Variants in FRY observed in about 807,000 individuals in gnomAD.
FRY encodes the protein FRY microtubule binding protein, also known as protein furry homolog.
FRY carries 128 observed loss-of-function variants against 348.4 expected under a neutral mutation model. That is an observed-to-expected ratio of 0.37 (90% CI 0.32 to 0.43). The LOEUF is 0.43. Among genes scored for constraint, FRY ranks in the 20% least tolerant of loss-of-function variants. The pLI, the probability that FRY is intolerant of heterozygous loss-of-function variation, is 1.00. For missense variants in FRY, 2,736 were observed against 3,695.2 expected, an observed-to-expected ratio of 0.74 and a Z score of 6.73; for synonymous variants, 1,370 against 1,374.7, an observed-to-expected ratio of 1.00 and a Z score of 0.08.
chr13:32,272,956 G>A (rs1380568515), intron 55 of FRY, among the ~76,000 whole-genome samples: 1 of 151,612 alleles, frequency 6.6e-6, no homozygotes, highest in African/African-American at 2.4e-5. Context: ...ATGTTGGCCA[G>A]GCAGGTTTTG....
rs149665084 is a variant in FRY, at chr13:32,293,172, G to C, written c.8581-1196G>C. 1.8e-4 allele frequency among the ~76,000 whole-genome samples: 28 copies of C among 152,182 alleles called. No homozygotes were observed. In the East Asian group the frequency reaches 4.6e-3, roughly 25 times the overall value. Reference sequence around the variant, plus strand: ...GTATACCTGGTGTGTGTATTCATATGGGTAGGTACACACACAGTGTTTAAA... The same window carrying C: ...GTATACCTGGTGTGTGTATTCATATCGGTAGGTACACACACAGTGTTTAAA... On this transcript the variant is annotated intron_variant, in intron 59 of 60. Transcript: ENST00000542859.
At chr13:32,215,516 A>G (rs1884939469) in intron 35 of FRY, among the ~76,000 whole-genome samples, 1 of 152,244 alleles carries the variant, frequency 6.6e-6, no homozygotes, top group South Asian at 2.1e-4. Flanking sequence ...ATCAACATAT[A>G]TTTATTAAAA....
At chr13:32,247,275 T>C (rs1176616173) in intron 47 of FRY, 48 bp from the exon 48 acceptor site, 1 of 1,503,512 alleles carries the variant, frequency 6.7e-7, no homozygotes, top group African/African-American at 1.4e-5. Flanking sequence ...ACATTAGCTT[T>C]AAAAAAATTA....
chr13:32,059,919 C>G (rs1171475200), intron 1 of FRY, among the ~76,000 whole-genome samples: 1 of 152,184 alleles, frequency 6.6e-6, no homozygotes, highest in Non-Finnish European at 1.5e-5. Context: ...GTGTAAAATG[C>G]AGGAGTAGCA....
chr13:32,133,768 CTTTTTTTT>C (rs34413710), intron 8 of FRY, among the ~76,000 whole-genome samples: 7 of 89,286 alleles, frequency 7.8e-5, no homozygotes, highest in African/African-American at 3.0e-4. Flanking sequence ...TTCTTTCTTT[CTTTTTTTT>C]TTTTTTTTTT....
Position 32,294,449 on chromosome 13 carries a change from T to G in FRY, c.8662T>G (p.Tyr2888Asp), listed in dbSNP as rs771849736. The G allele has an allele frequency of 3.7e-5, 60 of 1,613,968 alleles. No individual in the cohort carries two copies. Among genetic ancestry groups the G allele is most frequent in the Non-Finnish European group, 4.8e-5 (57 of 1,179,910 alleles). The change falls in exon 60 of 61, where the codon TAT becomes GAT. Residue 2888 changes from tyrosine (Y) to aspartate (D), a missense_variant. Physicochemically the swap from Tyr to Asp is radical, Grantham distance 160. Around this residue, in one of 9 missense-constraint regions of FRY, gnomAD observed 157 missense variants for 215.2 expected, o/e 0.73. Transcript: ENST00000542859. ...TGCAGTCATTGCAGCTGACCCTCTCTATTCAGACGGCGCGTGGTCCGAGCC... is the reference window on the plus strand; with the variant it reads ...TGCAGTCATTGCAGCTGACCCTCTCGATTCAGACGGCGCGTGGTCCGAGCC... ...ASAVIAADPL[Y>D]SDGAWSEPTF... is the part of the protein sequence containing the mutation.
intron 2 of FRY, among the ~76,000 whole-genome samples, chr13:32,081,211 T>C (rs923959307): frequency 1.3e-5 from 2 of 152,226 alleles, no homozygotes; most frequent in African/African-American, 2.4e-5. Flanking sequence ...TAAGTTCTTG[T>C]CATAAGGAAA....
intron 1 of FRY, among the ~76,000 whole-genome samples, chr13:32,046,970 C>A (rs902387088): frequency 1.3e-5 from 2 of 152,084 alleles, no homozygotes; most frequent in East Asian, 3.9e-4. Context: ...TGCTATGTGA[C>A]CTTGAGCAAG....
intron 58 of FRY, among the ~76,000 whole-genome samples, chr13:32,279,282 G>C (rs900265397): frequency 6.6e-6 from 1 of 152,214 alleles, no homozygotes; most frequent in African/African-American, 2.4e-5. Flanking sequence ...CATGGAAGTA[G>C]CATCTTGGCA....
At chr13:32,273,285 A>G (rs1406232616) in intron 55 of FRY, among the ~76,000 whole-genome samples, 10 of 144,178 alleles carry the variant, frequency 6.9e-5, no homozygotes, top group African/African-American at 1.8e-4. Flanking sequence ...GCAGTGGCGC[A>G]ATCTCGGCTC....
intron 57 of FRY, 126 bp from the exon 58 acceptor site, chr13:32,278,339 C>T (rs1888640118): frequency 2.9e-6 from 2 of 695,198 alleles, no homozygotes; most frequent in Non-Finnish European, 5.4e-6. Flanking sequence ...TTCAAAAAGT[C>T]ATTACAGCAC....
chr13:32,107,644 C>G (rs1314902155), intron 3 of FRY, among the ~76,000 whole-genome samples: 1 of 152,148 alleles, frequency 6.6e-6, no homozygotes, highest in African/African-American at 2.4e-5. Flanking sequence ...CCTAGAGGCC[C>G]CACCACTGGA....
Position 32,295,207 on chromosome 13 carries a change from T to A in FRY, c.8789T>A (p.Leu2930Gln). The part of the protein sequence containing the change: ...ALRQIRECRS[L>Q]WPNDIFGSSS... ...GCTGTTCTTTTTGACTGCAGAAGTC[T>A]GTGGCCCAATGACATCTTTGGAAGC... is the stretch of plus-strand genomic sequence containing the variant. The change falls in exon 61 of 61, where the codon CTG becomes CAG. Residue 2930 changes from leucine to glutamine, a missense_variant. Transcript: ENST00000542859. 1 of 1,614,026 alleles carries A rather than the reference T, an allele frequency of 6.2e-7. No homozygotes were observed. Among genetic ancestry groups the A allele is most frequent in the African/African-American group, 1.3e-5 (1 of 75,054 alleles).
chr13:32,275,633 G>A (rs1023310794), intron 56 of FRY, among the ~76,000 whole-genome samples: 30 of 152,200 alleles, frequency 2.0e-4, no homozygotes, highest in Admixed American at 3.9e-4. Flanking sequence ...TGACCTAGCC[G>A]GTGCCCATGA....
intron 7 of FRY, among the ~76,000 whole-genome samples, chr13:32,126,493 T>C (rs1376671279): frequency 6.6e-6 from 1 of 152,212 alleles, no homozygotes; most frequent in Non-Finnish European, 1.5e-5. Flanking sequence ...GTGGCTTTTT[T>C]TATTTTCGTG....
chr13:32,173,553 T>C lies in FRY; in HGVS notation c.2334+4T>C, dbSNP rs760370921. On this transcript the variant is annotated splice_donor_region_variant and intron_variant, in intron 19 of 60. Transcript: ENST00000542859. Reference sequence around the variant, plus strand: ...TATTGCCCTGGGGCAGCCTGAGGTATGGATTAGTCTTCTGAATTTTTCCAT... The same window carrying C: ...TATTGCCCTGGGGCAGCCTGAGGTACGGATTAGTCTTCTGAATTTTTCCAT... The C allele has an allele frequency of 6.2e-7, 1 of 1,607,734 alleles. No individual in the cohort carries two copies. Among genetic ancestry groups the C allele is most frequent in the Non-Finnish European group, 8.5e-7 (1 of 1,174,708 alleles).
At chr13:32,060,941 A>G in intron 1 of FRY, 1 of 377,926 alleles carries the variant, frequency 2.6e-6, no homozygotes, top group South Asian at 2.1e-5. Context: ...CCTGACTAAA[A>G]ATACACCTGG....
intron 1 of FRY, among the ~76,000 whole-genome samples, chr13:32,044,988 G>A (rs577882255): frequency 6.6e-6 from 1 of 152,178 alleles, no homozygotes; most frequent in African/African-American, 2.4e-5. Context: ...AATGTTAATT[G>A]TGTATATGTG....
chr13:32,067,300 A>G (rs928642158), intron 1 of FRY, among the ~76,000 whole-genome samples: 1 of 152,146 alleles, frequency 6.6e-6, no homozygotes, highest in African/African-American at 2.4e-5. Flanking sequence ...CCCAGAACAG[A>G]GACTAGGCCT....
Sources: allele counts gnomAD v4.1 joint callset (sites outside exome capture counted in the v4.1 genomes callset), GRCh38; gene constraint gnomAD v4.1.1; regional missense constraint gnomAD v4.1.1; transcripts MANE v1.5; gene names NCBI Gene and HGNC (gene_info 2026-07-23, HGNC 2026-07-21).